Variants in TMCO5A observed in about 807,000 individuals in gnomAD.
TMCO5A encodes the protein transmembrane and coiled-coil domains 5A.
In TMCO5A, 34 loss-of-function variants were observed where a neutral mutation model predicts 42.3. The observed-to-expected ratio is 0.80, with a 90% CI of 0.61 to 1.07. The LOEUF (loss-of-function observed/expected upper bound fraction) is 1.07. TMCO5A is among the 50% of genes least tolerant of loss of function. TMCO5A has a pLI of 0.00. For missense variants in TMCO5A, 357 were observed against 327.9 expected (o/e 1.09, Z -0.69); for synonymous variants, 131 against 115.6 (o/e 1.13, Z -0.86).
chr15:38,029,290 A>G, the TMCO5A span, among the ~76,000 whole-genome samples: 1 of 152,058 alleles, frequency 6.6e-6, no homozygotes, highest in African/African-American at 2.4e-5. Flanking sequence ...ACACACACAC[A>G]TATGCATACA....
the TMCO5A span, among the ~76,000 whole-genome samples, chr15:37,974,522 G>A: frequency 1.3e-5 from 2 of 152,078 alleles, no homozygotes; most frequent in East Asian, 1.9e-4. Context: ...ATTTATTCTA[G>A]GTTTTCTAGT....
At chr15:37,967,292 G>A (rs904641303) in exon 12 of TMCO5A, 14 of 152,118 alleles carry the variant, frequency 9.2e-5, no homozygotes, top group Admixed American at 7.9e-4. Flanking sequence ...CAGTACAAGA[G>A]AAAATTATTT....
chr15:37,955,294 T>C (rs556158280), downstream of TMCO5A, among the ~76,000 whole-genome samples: 48 of 139,858 alleles, frequency 3.4e-4, no homozygotes, highest in Non-Finnish European at 3.7e-4. Flanking sequence ...GATTGAACCA[T>C]GAAGAAATCC....
the TMCO5A span, among the ~76,000 whole-genome samples, chr15:38,032,006 A>C: frequency 2.0e-5 from 3 of 149,022 alleles, no homozygotes; most frequent in Admixed American, 6.8e-5. Flanking sequence ...CCCAGGCTGG[A>C]GTGCAATGGT....
the TMCO5A span, among the ~76,000 whole-genome samples, chr15:37,973,733 C>T: frequency 6.6e-6 from 1 of 152,180 alleles, no homozygotes; most frequent in African/African-American, 2.4e-5. Context: ...TTGACTTCCT[C>T]TCTTCCTATT....
chr15:37,937,737 T>A (rs892972042), intron 5 of TMCO5A, among the ~76,000 whole-genome samples: 4 of 152,128 alleles, frequency 2.6e-5, no homozygotes, highest in Non-Finnish European at 5.9e-5. Flanking sequence ...ACAGAGACCT[T>A]TTAAACAACA....
At chr15:37,979,223 A>C in the TMCO5A span, among the ~76,000 whole-genome samples, 1 of 152,050 alleles carries the variant, frequency 6.6e-6, no homozygotes, top group Non-Finnish European at 1.5e-5. Context: ...TCCGTAAGGC[A>C]GCGGTGCTGT....
chr15:37,972,456 G>C (rs1046631714), downstream of TMCO5A, among the ~76,000 whole-genome samples: 3 of 152,220 alleles, frequency 2.0e-5, no homozygotes, highest in Admixed American at 2.0e-4. Context: ...GTTATTTTTT[G>C]AGTTTTTAAT....
At chr15:37,991,695 C>T in the TMCO5A span, among the ~76,000 whole-genome samples, 1 of 151,946 alleles carries the variant, frequency 6.6e-6, no homozygotes, top group Non-Finnish European at 1.5e-5. Flanking sequence ...TTTTGAATCC[C>T]TTCAATAATT....
the TMCO5A span, among the ~76,000 whole-genome samples, chr15:37,976,793 C>CTTTTTTTTTTTTTTTTTTTTTTTTTT: frequency 3.4e-5 from 4 of 116,850 alleles, no homozygotes; most frequent in Non-Finnish European, 5.1e-5. Context: ...TTTCTTCTTT[C>CTTTTTTTTTTTTTTTTTTTTTTTTTT]TTTTTTTTTT....
chr15:38,022,777 T>G, the TMCO5A span, among the ~76,000 whole-genome samples: 1 of 152,176 alleles, frequency 6.6e-6, no homozygotes, highest in African/African-American at 2.4e-5. Context: ...ATGGGAAATC[T>G]CTATACCTTC....
At chr15:37,998,044 T>A in the TMCO5A span, among the ~76,000 whole-genome samples, 1 of 152,334 alleles carries the variant, frequency 6.6e-6, no homozygotes. Context: ...TTTAATCAGA[T>A]TGTTAAAATT....
the TMCO5A span, among the ~76,000 whole-genome samples, chr15:38,009,528 G>A: frequency 6.6e-6 from 1 of 152,194 alleles, no homozygotes; most frequent in East Asian, 1.9e-4. Flanking sequence ...TCCTTAAAAA[G>A]ACGTTTCAAT....
At chr15:38,013,133 G>A in the TMCO5A span, among the ~76,000 whole-genome samples, 15 of 152,244 alleles carry the variant, frequency 9.9e-5, no homozygotes, top group South Asian at 1.2e-3. Context: ...GGCTGCTGAT[G>A]AATTCACTGA....
chr15:37,941,587 C>T (rs1411085309), intron 7 of TMCO5A, 84 bp from the exon 8 acceptor site: 7 of 1,007,760 alleles, frequency 6.9e-6, no homozygotes, highest in Non-Finnish European at 1.1e-5. Context: ...CATTTAGGAC[C>T]TGGGACCCAA....
exon 12 of TMCO5A, chr15:37,966,706 A>G: frequency 2.8e-6 from 2 of 702,820 alleles, no homozygotes; most frequent in Non-Finnish European, 5.2e-6. Flanking sequence ...TTGCAGAATA[A>G]AAGTCTTTTC....
chr15:37,971,430 G>T (rs1367452647), downstream of TMCO5A, among the ~76,000 whole-genome samples: 1 of 152,206 alleles, frequency 6.6e-6, no homozygotes, highest in Non-Finnish European at 1.5e-5. Context: ...CCAGGCCTGT[G>T]ATTGGAGGGG....
At chr15:38,020,572 A>G in the TMCO5A span, 1 of 152,190 alleles carries the variant, frequency 6.6e-6, no homozygotes, top group Non-Finnish European at 1.5e-5. Flanking sequence ...ACCACTACAG[A>G]CACCTGGACT....
the TMCO5A span, chr15:37,984,681 C>CTTTT: frequency 2.9e-4 from 12 of 41,874 alleles, no homozygotes; most frequent in South Asian, 9.2e-4. Context: ...GAACATTTGT[C>CTTTT]TTTTTTTTTT....
Sources: allele counts gnomAD v4.1 joint callset (sites outside exome capture counted in the v4.1 genomes callset), GRCh38; gene constraint gnomAD v4.1.1; transcripts MANE v1.5; gene names NCBI Gene and HGNC (gene_info 2026-07-23, HGNC 2026-07-21).